CREB3L3: variants seen among roughly 807,000 people sequenced by gnomAD.
CREB3L3 encodes the protein cyclic AMP-responsive element-binding protein 3-like protein 3.
A neutral mutation model predicts 44.6 loss-of-function variants in CREB3L3; 40 were observed. The observed-to-expected ratio is 0.90, with a 90% CI of 0.70 to 1.17. CREB3L3 has a LOEUF of 1.17. Among genes scored for constraint, CREB3L3 ranks in the 50% most tolerant of loss-of-function variants. The probability of loss-of-function intolerance (pLI) is 0.00; values close to 1 mark genes in which losing one functional copy is unlikely to be tolerated. For missense variants in CREB3L3, 578 were observed against 595.8 expected (o/e 0.97, Z 0.31); for synonymous variants, 273 against 256.3 (o/e 1.06, Z -0.62).
Position 4,170,126 on chromosome 19 carries a change from C to CT in CREB3L3, c.822-12dup. The CT allele has an allele frequency of 6.2e-7, 1 of 1,613,894 alleles. No homozygotes were observed. Among genetic ancestry groups the CT allele is most frequent in the Non-Finnish European group, 8.5e-7 (1 of 1,179,804 alleles). ...TGGCATATGCTGAATGTCGATGCGT[C>CT]TTCCTCCTTTCAGGATGTCAGCTTG... On this transcript the variant is annotated splice_polypyrimidine_tract_variant and intron_variant, in intron 6 of 9. Coordinates refer to ENST00000078445, the MANE Select transcript of CREB3L3 (RefSeq NM_032607.3).
intron 2 of CREB3L3, among the ~76,000 whole-genome samples, chr19:4,155,653 G>A (rs541977093): frequency 1.3e-5 from 2 of 151,518 alleles, no homozygotes; most frequent in Non-Finnish European, 2.9e-5. Flanking sequence ...ACCGCGCCCG[G>A]CCCACTTTCT....
rs1966978744 is a variant in CREB3L3, at chr19:4,168,734, C to G, written c.821+277C>G. Among the ~76,000 whole-genome samples the G allele has an allele frequency of 3.9e-5, 6 of 152,078 alleles. No homozygotes were observed. The South Asian group carries it at 1.2e-3, about 32-fold the overall frequency. On this transcript the variant is annotated intron_variant, in intron 6 of 9. Coordinates refer to ENST00000078445, the MANE Select transcript of CREB3L3 (RefSeq NM_032607.3). ...CTGACCCTCTGCCTGAAGATAGACA[C>G]TTCCTTTTTGTGTGTGTGGAAGGGT...
chr19:4,171,850 C>T lies in CREB3L3; in HGVS notation c.1267C>T (p.Leu423=). Reference sequence around the variant, plus strand: ...GACGGAGGAGCTGGACAACGCCACCCTGGTCCTGAGGAATGCAACAGAGGG... The same window carrying T: ...GACGGAGGAGCTGGACAACGCCACCTTGGTCCTGAGGAATGCAACAGAGGG... ...NSTEELDNAT[L]VLRNATEGLG... Residue 423 remains leucine (L), a synonymous_variant, in exon 10 of 10, where the codon CTG becomes TTG. Coordinates refer to ENST00000078445, the MANE Select transcript of CREB3L3 (RefSeq NM_032607.3). The surrounding 1 kb of genome is among the most constrained non-coding windows in gnomAD (Gnocchi z 4.9). The T allele has an allele frequency of 9.3e-6, 15 of 1,613,628 alleles. No homozygotes were observed. The highest frequency in any genetic ancestry group is 1.3e-5 in the Non-Finnish European group (15 of 1,180,008).
At position 4,171,295 on chromosome 19, in the gene CREB3L3, C is replaced by G; in HGVS notation, c.976-88C>G. On this transcript the variant is annotated intron_variant, in intron 8 of 9. Transcript: ENST00000078445. The surrounding 1 kb of genome is among the most constrained non-coding windows in gnomAD (Gnocchi z 4.9). ...CAGCTCAAGTATGATCCAGTCTGGT[C>G]TTTGGGGCCTCAGTTTCCCTGCCTG... is the stretch of plus-strand genomic sequence containing the variant. 1 of 1,430,076 alleles carries G rather than the reference C, an allele frequency of 7.0e-7. No homozygotes were observed. The highest frequency in any genetic ancestry group is 9.7e-7 in the Non-Finnish European group (1 of 1,027,162). 88.6% of individuals were successfully genotyped at this position (1,430,076 alleles called of 1,614,324 possible).
intron 3 of CREB3L3, among the ~76,000 whole-genome samples, chr19:4,158,903 C>G (rs1264780070): frequency 1.3e-5 from 2 of 152,156 alleles, no homozygotes; most frequent in African/African-American, 4.8e-5. Context: ...GTTACCTGAC[C>G]CAAAGTTTGT....
chr19:4,171,009 G>A lies in CREB3L3; in HGVS notation c.891-82G>A, dbSNP rs780148839. 43 of 994,314 alleles carry A rather than the reference G, an allele frequency of 4.3e-5. No individual in the cohort carries two copies. The highest frequency in any genetic ancestry group is 3.4e-4 in the Admixed American group (20 of 59,092). The allele number at this position is 994,314 out of a possible 1,614,324, so 61.6% of individuals were successfully genotyped here. ...GAATGGATGGAATTTGGACTTTAGCGGGGCTGGGGGACCCCGGAAATGGAC... is the reference window on the plus strand; with the variant it reads ...GAATGGATGGAATTTGGACTTTAGCAGGGCTGGGGGACCCCGGAAATGGAC... On this transcript the variant is annotated intron_variant, in intron 7 of 9. Transcript: ENST00000078445. This position sits in a 1 kb window ranked among gnomAD's most constrained non-coding sequence, Gnocchi z 4.9.
At position 4,171,092 on chromosome 19, in the gene CREB3L3, TC is replaced by T; in HGVS notation, c.895del (p.Leu299SerfsTer5). ...CGGAGGCCTGCCTGTCTCTCTAAGG[TC>T]CCTCTTGGAGCAACTGAAGAAACTC... ...KVLHLEKQNL[S>X]LLEQLKKLQA... On this transcript the variant is annotated frameshift_variant and splice_region_variant, in exon 8 of 10. Transcript: ENST00000078445. LOFTEE classifies it high-confidence loss of function. This position sits in a 1 kb window ranked among gnomAD's most constrained non-coding sequence, Gnocchi z 4.9. 6.2e-7 allele frequency: 1 copy of T among 1,613,460 alleles called. No individual in the cohort carries two copies. The highest frequency in any genetic ancestry group is 8.5e-7 in the Non-Finnish European group (1 of 1,179,510).
In CREB3L3 at chr19:4,165,313, G is replaced by A. The variant is rs1041537475; in HGVS notation, c.714+673G>A. The stretch of plus-strand genomic sequence containing the variant: ...CTCTCAAGTAGCTAGGATGACAGGT[G>A]CACGCCACTACACTTGGCTAATTTA... On this transcript the variant is annotated intron_variant, in intron 5 of 9. Coordinates refer to ENST00000078445, the MANE Select transcript of CREB3L3 (RefSeq NM_032607.3). Among the ~76,000 whole-genome samples the A allele has an allele frequency of 7.9e-5, 12 of 151,014 alleles. No homozygotes were observed. In the East Asian group the frequency reaches 2.3e-3, roughly 29 times the overall value.
At chr19:4,156,506 C>CTT (rs1019504419) in intron 2 of CREB3L3, among the ~76,000 whole-genome samples, 284 of 121,716 alleles carry the variant, frequency 2.3e-3, no homozygotes, top group African/African-American at 7.9e-3. Flanking sequence ...TTCTTTTTTT[C>CTT]TTTTTTTTTT....
intron 6 of CREB3L3, among the ~76,000 whole-genome samples, chr19:4,168,842 C>A (rs1476457913): frequency 1.3e-5 from 2 of 152,092 alleles, no homozygotes; most frequent in Non-Finnish European, 2.9e-5. Flanking sequence ...AGCGATTCTC[C>A]TGCCTCAGCC....
chr19:4,169,015 G>A (rs1382107658), intron 6 of CREB3L3, among the ~76,000 whole-genome samples: 2 of 152,000 alleles, frequency 1.3e-5, no homozygotes, highest in African/African-American at 2.4e-5. Context: ...GATTACAGGC[G>A]TGAGCCACTG....
intron 2 of CREB3L3, 152 bp downstream of exon 2, chr19:4,155,179 C>A: frequency 1.0e-6 from 1 of 974,932 alleles, no homozygotes; most frequent in Non-Finnish European, 1.5e-6. Context: ...TTTAGCCAAG[C>A]ACATCATTTA....
intron 2 of CREB3L3, among the ~76,000 whole-genome samples, chr19:4,155,785 T>C (rs899068540): frequency 6.7e-6 from 1 of 148,802 alleles, no homozygotes; most frequent in African/African-American, 2.5e-5. Context: ...TTCACTCTTG[T>C]CACCCAGGCT....
At chr19:4,169,695 G>A (rs1568285066) in intron 6 of CREB3L3, among the ~76,000 whole-genome samples, 2 of 147,670 alleles carry the variant, frequency 1.4e-5, no homozygotes, top group Admixed American at 7.0e-5. Context: ...GGGTTCAATC[G>A]ATTCTCCTGC....
In CREB3L3 at chr19:4,157,384, G is replaced by C. The variant is rs985896888; in HGVS notation, c.457+89G>C. 3 of 1,446,442 alleles carry C rather than the reference G, an allele frequency of 2.1e-6. No homozygotes were observed. The African/African-American group carries it at 4.2e-5, about 20-fold the overall frequency. 89.6% of individuals were successfully genotyped at this position (1,446,442 alleles called of 1,614,324 possible). A position where few individuals can be genotyped will look rare whatever the true frequency, so the allele number is the denominator to read the frequency against. ...GGAAATGGAGGCCCAGAGAGGGCTG[G>C]CATCTTGTCCAAGGTCACACAGCAA... is the stretch of plus-strand genomic sequence containing the variant. On this transcript the variant is annotated intron_variant, in intron 3 of 9. Coordinates refer to ENST00000078445, the MANE Select transcript of CREB3L3 (RefSeq NM_032607.3).
chr19:4,163,140 T>C (rs1488049834), intron 4 of CREB3L3, among the ~76,000 whole-genome samples: 1 of 151,728 alleles, frequency 6.6e-6, no homozygotes, highest in Non-Finnish European at 1.5e-5. Flanking sequence ...ACCCCGTCTC[T>C]ACTAAAAATA....
intron 4 of CREB3L3, among the ~76,000 whole-genome samples, chr19:4,164,173 C>T (rs2041696247): frequency 6.6e-6 from 1 of 151,818 alleles, no homozygotes; most frequent in South Asian, 2.1e-4. Flanking sequence ...CGGGGTTTCA[C>T]CATGTTGACC....
chr19:4,164,350 C>T (rs1309437945), intron 4 of CREB3L3, 153 bp from the exon 5 acceptor site: 2 of 877,714 alleles, frequency 2.3e-6, no homozygotes, highest in Non-Finnish European at 3.7e-6. Context: ...TCAAGTGATC[C>T]ACATGCCTCA....
chr19:4,157,849 C>T (rs1383149028), intron 3 of CREB3L3, among the ~76,000 whole-genome samples: 1 of 151,910 alleles, frequency 6.6e-6, no homozygotes, highest in Non-Finnish European at 1.5e-5. Flanking sequence ...CCATGCCCAG[C>T]TAATATTTAT....
Sources: allele counts gnomAD v4.1 joint callset (sites outside exome capture counted in the v4.1 genomes callset), GRCh38; gene constraint gnomAD v4.1.1; non-coding constraint Gnocchi (gnomAD v3.1); transcripts MANE v1.5; gene names NCBI Gene and HGNC (gene_info 2026-07-23, HGNC 2026-07-21).